The following WIPF3 variants were observed in gnomAD, a reference collection of about 807,000 sequenced individuals.
WIPF3 encodes WAS/WASL interacting protein family member 3.
WIPF3 carries 33 observed loss-of-function variants against 38.9 expected under a neutral mutation model. That is an observed-to-expected ratio of 0.85 (90% confidence interval 0.64 to 1.14). The LOEUF (loss-of-function observed/expected upper bound fraction) is 1.14. Ranked by LOEUF, WIPF3 falls within the 50% of genes most tolerant of loss-of-function variation. WIPF3 has a pLI of 0.00. For synonymous variants in WIPF3, 324 were observed against 269.3 expected (o/e 1.20, Z -1.99); for missense variants, 711 against 652.5 (o/e 1.09, Z -0.98).
chr7:29,894,764 G>GACACAC (rs34105700), intron 7 of WIPF3, among the ~76,000 whole-genome samples: 3,252 of 148,074 alleles, frequency 0.022, 141 homozygotes, highest in African/African-American at 0.076. Flanking sequence ...CTCTCTTTCT[G>GACACAC]ACACACACAC....
chr7:29,889,235 C>T lies in WIPF3; in HGVS notation c.1250-71C>T, dbSNP rs573609041. ...GGATGCAGTCAGAGTAATCTCTGTG[C>T]TCCTGGAAATGATCAAAACTTGGAT... On this transcript the variant is annotated intron_variant, in intron 6 of 8. Transcript: ENST00000242140. The T allele has an allele frequency of 3.6e-3, 4,679 of 1,288,482 alleles. 16 individuals carry two copies. The highest frequency in any genetic ancestry group is 4.5e-3 in the Non-Finnish European group (4,038 of 897,036). The allele number at this position is 1,288,482 out of a possible 1,614,324, so 79.8% of individuals were successfully genotyped here.
intron 1 of WIPF3, among the ~76,000 whole-genome samples, chr7:29,822,094 T>C (rs1375276121): frequency 1.3e-5 from 2 of 151,304 alleles, no homozygotes; most frequent in Admixed American, 1.3e-4. Flanking sequence ...CATCGTTCTT[T>C]TCCTATTCCT....
At chr7:29,867,436 A>G (rs919725020) in intron 2 of WIPF3, among the ~76,000 whole-genome samples, 1 of 152,066 alleles carries the variant, frequency 6.6e-6, no homozygotes, top group Non-Finnish European at 1.5e-5. Context: ...TTTCTTTTTG[A>G]TAGTACTTTT....
intron 2 of WIPF3, among the ~76,000 whole-genome samples, chr7:29,847,983 G>C (rs2391803): frequency 0.07 from 10,694 of 152,184 alleles, 515 homozygotes; most frequent in African/African-American, 0.13. Flanking sequence ...TTGGGGAATT[G>C]TTTTAATTCC....
chr7:29,834,593 T>G, intron 1 of WIPF3, 75 bp from the exon 2 acceptor site: 1 of 1,257,440 alleles, frequency 8.0e-7, no homozygotes, highest in Non-Finnish European at 1.0e-6. Context: ...ATAATATGCA[T>G]GTCTGCAAGA....
intron 2 of WIPF3, among the ~76,000 whole-genome samples, chr7:29,839,566 A>C (rs1228145535): frequency 1.3e-5 from 2 of 152,232 alleles, no homozygotes; most frequent in Non-Finnish European, 2.9e-5. Flanking sequence ...GAATGACCTC[A>C]TGAGCAAGCA....
chr7:29,818,547 A>C (rs1254074741), intron 1 of WIPF3, among the ~76,000 whole-genome samples: 1 of 148,564 alleles, frequency 6.7e-6, no homozygotes, highest in East Asian at 1.9e-4. Flanking sequence ...ATTATATATA[A>C]TATGTATACT....
At chr7:29,902,965 A>T (rs1048020124) in intron 7 of WIPF3, among the ~76,000 whole-genome samples, 1 of 152,154 alleles carries the variant, frequency 6.6e-6, no homozygotes, top group Non-Finnish European at 1.5e-5. Context: ...TTCTATTTAT[A>T]CAAATTCATT....
intron 1 of WIPF3, among the ~76,000 whole-genome samples, chr7:29,818,318 T>A (rs1487678567): frequency 1.3e-5 from 2 of 151,956 alleles, no homozygotes; most frequent in African/African-American, 4.8e-5. Flanking sequence ...ACTGGGGTGG[T>A]GGCACATGCC....
At chr7:29,815,118 G>C (rs1333787029) in intron 1 of WIPF3, among the ~76,000 whole-genome samples, 1 of 152,036 alleles carries the variant, frequency 6.6e-6, no homozygotes, top group Non-Finnish European at 1.5e-5. Flanking sequence ...CTTCTCTCCA[G>C]GGATTCAGAG....
At chr7:29,812,385 C>T (rs1186212756) in intron 1 of WIPF3, among the ~76,000 whole-genome samples, 4 of 152,164 alleles carry the variant, frequency 2.6e-5, no homozygotes, top group African/African-American at 9.7e-5. Context: ...CTATCTGAGA[C>T]CAGTATCCAT....
chr7:29,875,991 G>A lies in WIPF3; in HGVS notation c.223+29G>A, dbSNP rs976421043. 2.5e-6 allele frequency: 4 copies of A among 1,609,788 alleles called. No individual in the cohort carries two copies. The Admixed American group carries it at 6.7e-5, about 27-fold the overall frequency. On this transcript the variant is annotated intron_variant, in intron 3 of 8. Coordinates refer to ENST00000242140, the MANE Select transcript of WIPF3 (RefSeq NM_001080529.3). ...AGTGAGCAGCCGGGCCAGGCCTCCTGTGAGCCAAAGACAGGACAGGCATGT... is the reference window on the plus strand; with the variant it reads ...AGTGAGCAGCCGGGCCAGGCCTCCTATGAGCCAAAGACAGGACAGGCATGT...
chr7:29,832,721 G>A lies in WIPF3; in HGVS notation c.-57-1947G>A, dbSNP rs147448536. On this transcript the variant is annotated intron_variant, in intron 1 of 8. Transcript: ENST00000242140. ...CATGGACTCTTTCCCCAAAAAAGTT[G>A]CACTGACACACATATTTTACGCCAT... Among the ~76,000 whole-genome samples, 118 of 152,260 alleles carry A rather than the reference G, an allele frequency of 7.7e-4. No homozygotes were observed. In the East Asian group the frequency reaches 0.017, roughly 22 times the overall value.
intron 3 of WIPF3, among the ~76,000 whole-genome samples, chr7:29,876,384 C>T (rs1785598179): frequency 1.3e-5 from 2 of 152,328 alleles, no homozygotes; most frequent in Non-Finnish European, 2.9e-5. Flanking sequence ...ATTAGTAAGT[C>T]ATTCCCCATT....
intron 1 of WIPF3, among the ~76,000 whole-genome samples, chr7:29,833,840 G>A (rs187563593): frequency 6.6e-6 from 1 of 152,108 alleles, no homozygotes; most frequent in South Asian, 2.1e-4. Context: ...AAACTATGGG[G>A]TTTTTCTTTA....
intron 7 of WIPF3, among the ~76,000 whole-genome samples, chr7:29,901,182 C>A (rs891394703): frequency 1.1e-4 from 16 of 152,094 alleles, no homozygotes; most frequent in Admixed American, 7.9e-4. Flanking sequence ...AGTGTGAAAA[C>A]CCCTGATTTG....
chr7:29,853,188 C>A (rs1000281634), intron 2 of WIPF3, among the ~76,000 whole-genome samples: 6 of 152,142 alleles, frequency 3.9e-5, no homozygotes, highest in Non-Finnish European at 8.8e-5. Flanking sequence ...CTGTGTGGAG[C>A]CTGCCTCAAG....
In WIPF3 at chr7:29,878,050, T is replaced by C. The variant is rs911210982; in HGVS notation, c.224-959T>C. Among the ~76,000 whole-genome samples, 1 of 152,330 alleles carries C rather than the reference T, an allele frequency of 6.6e-6. No individual in the cohort carries two copies. The highest frequency in any genetic ancestry group is 6.5e-5 in the Admixed American group (1 of 15,304). ...AATTATAAATGTCAACACACAAGGA[T>C]AGACAAATTTTTAAAGAAATATTTT... On this transcript the variant is annotated intron_variant, in intron 3 of 8. Coordinates refer to ENST00000242140, the MANE Select transcript of WIPF3 (RefSeq NM_001080529.3). The surrounding 1 kb of genome is among the most constrained non-coding windows in gnomAD (Gnocchi z 4.0).
chr7:29,879,028 A>T lies in WIPF3; in HGVS notation c.243A>T (p.Lys81Asn). 1.1e-5 allele frequency: 18 copies of T among 1,600,864 alleles called. No individual in the cohort carries two copies. The highest frequency in any genetic ancestry group is 1.4e-5 in the Non-Finnish European group (17 of 1,172,692). Residue 81 changes from lysine (K) to asparagine (N), a missense_variant, in exon 4 of 9, where the codon AAA becomes AAT. Coordinates refer to ENST00000242140, the MANE Select transcript of WIPF3 (RefSeq NM_001080529.3). ...PQIESSKGTN[K>N]EGGGSANTRG... ...CTAAAGGTTCTAAAGGAACCAACAA[A>T]GAAGGAGGAGGTTCTGCAAACACAC...
Sources: allele counts gnomAD v4.1 joint callset (sites outside exome capture counted in the v4.1 genomes callset), GRCh38; gene constraint gnomAD v4.1.1; non-coding constraint Gnocchi (gnomAD v3.1); transcripts MANE v1.5; gene names NCBI Gene and HGNC (gene_info 2026-07-23, HGNC 2026-07-21).